The following RAF1 variants were observed in gnomAD, a reference collection of about 807,000 sequenced individuals.
The protein encoded by RAF1 is RAF proto-oncogene serine/threonine-protein kinase.
RAF1 carries 27 observed loss-of-function variants against 81.1 expected under a neutral mutation model. The ratio of observed to expected loss-of-function variants is 0.33; its 90% CI spans 0.25 to 0.46. The LOEUF is 0.46. RAF1 is among the 20% of genes least tolerant of loss of function. RAF1 has a pLI of 1.00. For missense variants in RAF1, 598 were observed against 826.0 expected, an observed-to-expected ratio of 0.72 and a Z score of 3.38; for synonymous variants, 298 against 294.0, an observed-to-expected ratio of 1.01 and a Z score of -0.14.
chr3:12,645,097 CAAAAAAAAAAAA>C (rs11401342), intron 1 of RAF1, among the ~76,000 whole-genome samples: 184 of 65,050 alleles, frequency 2.8e-3, no homozygotes, highest in South Asian at 0.024. Context: ...GACTCAGTCT[CAAAAAAAAAAAA>C]AAAAAAAAAA....
At chr3:12,614,166 G>A in intron 2 of RAF1, among the ~76,000 whole-genome samples, 1 of 152,192 alleles carries the variant, frequency 6.6e-6, no homozygotes, top group East Asian at 1.9e-4. Context: ...TGGGGATACA[G>A]GGGCAGGGGT....
intron 1 of RAF1, among the ~76,000 whole-genome samples, chr3:12,658,730 T>C (rs1468864501): frequency 2.6e-5 from 4 of 152,220 alleles, no homozygotes; most frequent in African/African-American, 9.6e-5. Context: ...TTTAGGATTG[T>C]TAAGCCCCAC....
intron 3 of RAF1, among the ~76,000 whole-genome samples, chr3:12,611,628 A>C (rs2059212116): frequency 6.6e-6 from 1 of 152,120 alleles, no homozygotes; most frequent in South Asian, 2.1e-4. Context: ...TGAACCCGGG[A>C]GGCGGAGCTT....
In RAF1 at chr3:12,604,307, A is replaced by G; in HGVS notation, c.681-18T>C. ...GCTGAGAACTAGGAGGAGAAAGAAA[A>G]TTCCATGATTGGCACTTAGGCTTTC... On this transcript the variant is annotated intron_variant, in intron 6 of 17. Transcript: ENST00000442415. 1 of 1,612,178 alleles carries G rather than the reference A, an allele frequency of 6.2e-7. No individual in the cohort carries two copies. Among genetic ancestry groups the G allele is most frequent in the South Asian group, 1.1e-5 (1 of 90,818 alleles).
At position 12,635,910 on chromosome 3, in the gene RAF1, T is replaced by G. The variant is rs1432938351; in HGVS notation, c.-26-17163A>C. ...ATGGCGTGAACCCATGAGGTAGAGCTTGCAGTGAGCCGAGATCGCGCCACT... is the reference window on the plus strand; with the variant it reads ...ATGGCGTGAACCCATGAGGTAGAGCGTGCAGTGAGCCGAGATCGCGCCACT... On this transcript the variant is annotated intron_variant, in intron 1 of 17. Coordinates refer to ENST00000442415, the MANE Select transcript of RAF1 (RefSeq NM_001354689.3). Among the ~76,000 whole-genome samples, 3 of 151,402 alleles carry G rather than the reference T, an allele frequency of 2.0e-5. No individual in the cohort carries two copies. In the East Asian group the frequency reaches 5.8e-4, roughly 29 times the overall value.
chr3:12,611,010 A>C (rs2059190814), intron 3 of RAF1, among the ~76,000 whole-genome samples: 1 of 152,182 alleles, frequency 6.6e-6, no homozygotes, highest in African/African-American at 2.4e-5. Flanking sequence ...ACTGAATAAA[A>C]AAAAAAATTA....
At chr3:12,628,958 C>G (rs2059789688) in intron 1 of RAF1, among the ~76,000 whole-genome samples, 1 of 152,036 alleles carries the variant, frequency 6.6e-6, no homozygotes, top group Admixed American at 6.6e-5. Context: ...ACCATGTTGG[C>G]CAGGCTGGTC....
intron 1 of RAF1, among the ~76,000 whole-genome samples, chr3:12,640,227 T>C (rs2060143245): frequency 6.6e-6 from 1 of 152,140 alleles, no homozygotes; most frequent in Non-Finnish European, 1.5e-5. Flanking sequence ...TTAAGATGGA[T>C]TAAAGACTTA....
At chr3:12,656,547 C>G (rs989874997) in intron 1 of RAF1, among the ~76,000 whole-genome samples, 3 of 152,098 alleles carry the variant, frequency 2.0e-5, no homozygotes, top group Admixed American at 1.3e-4. Context: ...GAAACTAAAT[C>G]CATAAGTGAT....
rs904880955 is a variant in RAF1, at chr3:12,654,993, T to G, written c.-27+8820A>C. ...GAGTTCGAGACCAACCTGGTAAACA[T>G]AGTGAGACCCCCCCCCCGCCATCTC... On this transcript the variant is annotated intron_variant, in intron 1 of 17. Transcript: ENST00000442415. 2.4e-5 allele frequency among the ~76,000 whole-genome samples: 3 copies of G among 123,712 alleles called. No individual in the cohort carries two copies. In the South Asian group the frequency reaches 1.2e-3, roughly 51 times the overall value. 81.2% of individuals were successfully genotyped at this position (123,712 alleles called of 152,430 possible).
chr3:12,602,866 C>T (rs1488124819), intron 8 of RAF1, among the ~76,000 whole-genome samples: 2 of 152,072 alleles, frequency 1.3e-5, no homozygotes, highest in Non-Finnish European at 2.9e-5. Flanking sequence ...TGAGAGAGAG[C>T]ATAGTTGTCT....
At chr3:12,654,167 T>A (rs2060615817) in intron 1 of RAF1, among the ~76,000 whole-genome samples, 1 of 43,264 alleles carries the variant, frequency 2.3e-5, no homozygotes, top group African/African-American at 2.5e-4. Context: ...GTTTTTTTGG[T>A]TTTAGAGATG....
rs1359904172 is a variant in RAF1, at chr3:12,591,647, C to CA, written c.1253+60dup. 1.3e-5 allele frequency: 19 copies of CA among 1,443,266 alleles called. No homozygotes were observed. In the South Asian group the frequency reaches 1.6e-4, roughly 12 times the overall value. 89.4% of individuals were successfully genotyped at this position (1,443,266 alleles called of 1,614,324 possible). On this transcript the variant is annotated intron_variant, in intron 12 of 17. Transcript: ENST00000442415. The stretch of plus-strand genomic sequence containing the variant: ...CCTGCGGCACAGTCCACTAACTCTA[C>CA]AGTCCTTGTACTCCCCACTCCAGCA...
chr3:12,611,313 G>A (rs2059199238), intron 3 of RAF1, among the ~76,000 whole-genome samples: 1 of 151,920 alleles, frequency 6.6e-6, no homozygotes, highest in South Asian at 2.1e-4. Flanking sequence ...AAGCCCCTGG[G>A]GTCATGCAAT....
chr3:12,608,922 G>A lies in RAF1; in HGVS notation c.425C>T (p.Ala142Val), dbSNP rs2125417202. The A allele has an allele frequency of 6.2e-7, 1 of 1,614,034 alleles. No homozygotes were observed. Residue 142 changes from alanine to valine, a missense_variant and splice_region_variant, in exon 5 of 18, where the codon GCT becomes GTT. Around this residue, in one of 5 missense-constraint regions of RAF1, gnomAD observed 89 missense variants for 169.2 expected, o/e 0.53. Transcript: ENST00000442415. ...GGCAAGCTTCAGGAACGTCTTCCGAGCCTACAACAAGAACACAGGTGTAAA... is the reference window on the plus strand; with the variant it reads ...GGCAAGCTTCAGGAACGTCTTCCGAACCTACAACAAGAACACAGGTGTAAA...
intron 11 of RAF1, among the ~76,000 whole-genome samples, chr3:12,596,194 C>CTTTT (rs10575214): frequency 8.5e-6 from 1 of 117,292 alleles, no homozygotes; most frequent in Non-Finnish European, 1.7e-5. Context: ...ATTTTTCTTT[C>CTTTT]TTTTTTTTTT....
intron 14 of RAF1, chr3:12,587,057 C>G (rs995628598): frequency 6.5e-6 from 1 of 153,910 alleles, no homozygotes; most frequent in African/African-American, 2.4e-5. Flanking sequence ...TCTCAAACTC[C>G]TAGCCTCAAG....
intron 1 of RAF1, among the ~76,000 whole-genome samples, chr3:12,630,584 G>T (rs568503732): frequency 6.6e-6 from 1 of 152,242 alleles, no homozygotes; most frequent in South Asian, 2.1e-4. Flanking sequence ...GCAGATAACT[G>T]AGAGAACAAC....
chr3:12,636,285 CAAAAAAACAAAA>C (rs1233635958), intron 1 of RAF1, among the ~76,000 whole-genome samples: 19 of 128,630 alleles, frequency 1.5e-4, no homozygotes, highest in African/African-American at 5.0e-4. Flanking sequence ...GACTCCATTT[CAAAAAAACAAAA>C]AAAAAAACAG....
Sources: allele counts gnomAD v4.1 joint callset (sites outside exome capture counted in the v4.1 genomes callset), GRCh38; gene constraint gnomAD v4.1.1; regional missense constraint gnomAD v4.1.1; transcripts MANE v1.5; gene names NCBI Gene and HGNC (gene_info 2026-07-23, HGNC 2026-07-21).